Variants in MEGF10 observed in about 807,000 individuals in gnomAD.
MEGF10 encodes the protein multiple EGF like domains 10.
In MEGF10, 86 loss-of-function variants were observed where a neutral mutation model predicts 147.5. The ratio of observed to expected loss-of-function variants is 0.58; its 90% confidence interval spans 0.49 to 0.70. The LOEUF is 0.70. Ranked by LOEUF, MEGF10 falls within the 30% of genes least tolerant of loss-of-function variation. The probability of loss-of-function intolerance (pLI) is 0.00; values close to 1 mark genes in which losing one functional copy is unlikely to be tolerated. For synonymous variants in MEGF10, 478 were observed against 525.5 expected (o/e 0.91, Z 1.24); for missense variants, 1,329 against 1,487.3 (o/e 0.89, Z 1.75).
rs899992131 is a variant in MEGF10 at position 127,393,768 on chromosome 5, T to C, written c.413-2764T>C. ...TTTTCTATGCTGATAGTTATCAGTT[T>C]CTGCTATAAACTCACTTGTATTATG... On this transcript the variant is annotated intron_variant, in intron 5 of 24. Coordinates refer to ENST00000503335, the MANE Select transcript of MEGF10 (RefSeq NM_001256545.2). 2.6e-5 allele frequency among the ~76,000 whole-genome samples: 4 copies of C among 152,326 alleles called. No individual in the cohort carries two copies. The East Asian group carries it at 7.7e-4, about 29-fold the overall frequency.
At chr5:127,440,944 T>G in intron 18 of MEGF10, 77 bp downstream of exon 18, 1 of 1,550,280 alleles carries the variant, frequency 6.5e-7, no homozygotes, top group Non-Finnish European at 8.8e-7. Flanking sequence ...CAGGAAATAT[T>G]AAGGCAGAAT....
chr5:127,273,207 A>C, the MEGF10 span, among the ~76,000 whole-genome samples: 1 of 152,148 alleles, frequency 6.6e-6, no homozygotes, highest in African/African-American at 2.4e-5. Flanking sequence ...GGGATCTCCT[A>C]ATCTGAAGGT....
intron 5 of MEGF10, among the ~76,000 whole-genome samples, chr5:127,379,091 G>T (rs1763153388): frequency 7.2e-6 from 1 of 139,008 alleles, no homozygotes; most frequent in Non-Finnish European, 1.5e-5. Flanking sequence ...TTGATACTTG[G>T]TGCAATATTC....
At chr5:127,272,707 A>G in the MEGF10 span, among the ~76,000 whole-genome samples, 1 of 152,168 alleles carries the variant, frequency 6.6e-6, no homozygotes, top group Non-Finnish European at 1.5e-5. Context: ...ATGGAAGTTC[A>G]TTCATGATTT....
the MEGF10 span, among the ~76,000 whole-genome samples, chr5:127,234,526 G>A: frequency 1.8e-4 from 28 of 152,184 alleles, 1 homozygote; most frequent in African/African-American, 4.1e-4. Context: ...AAATTTTAGC[G>A]AACATAAATA....
chr5:127,234,498 C>G, the MEGF10 span, among the ~76,000 whole-genome samples: 2 of 152,176 alleles, frequency 1.3e-5, no homozygotes, highest in Non-Finnish European at 2.9e-5. Context: ...GTTAATGTGC[C>G]TCCTGGGAGA....
At chr5:127,316,051 G>C (rs1436194566) in intron 1 of MEGF10, among the ~76,000 whole-genome samples, 2 of 152,176 alleles carry the variant, frequency 1.3e-5, no homozygotes, top group African/African-American at 2.4e-5. Context: ...CAGGCCCCAG[G>C]AATTGTGCTT....
In MEGF10 at chr5:127,410,455, C is replaced by T. The variant is rs35550094; in HGVS notation, c.984C>T (p.Asn328=). ...GTGCTGAGACCTGCCAGTGTGTCAACGGAGGGAAGTGTTACCACGTGAGCG... is the reference window on the plus strand; with the variant it reads ...GTGCTGAGACCTGCCAGTGTGTCAATGGAGGGAAGTGTTACCACGTGAGCG... ...VLCAETCQCV[N]GGKCYHVSGA... is the part of the protein sequence containing the mutation. The change falls in exon 9 of 25, where the codon AAC becomes AAT. Residue 328 remains asparagine, a synonymous_variant. Transcript: ENST00000503335. The T allele has an allele frequency of 4.4e-3, 7,142 of 1,614,190 alleles. 92 individuals carry two copies. The African/African-American group carries it at 0.05, about 11-fold the overall frequency.
At chr5:127,285,718 A>G in the MEGF10 span, among the ~76,000 whole-genome samples, 1 of 152,124 alleles carries the variant, frequency 6.6e-6, no homozygotes, top group East Asian at 1.9e-4. Context: ...GTCTCAGCAC[A>G]TTTAAAAGCA....
chr5:127,332,554 G>T (rs1296167635), intron 2 of MEGF10, among the ~76,000 whole-genome samples: 1 of 152,028 alleles, frequency 6.6e-6, no homozygotes, highest in East Asian at 1.9e-4. Flanking sequence ...TACCTCCATT[G>T]GTAGTGTTAC....
the MEGF10 span, among the ~76,000 whole-genome samples, chr5:127,231,628 A>G: frequency 1.3e-5 from 2 of 152,220 alleles, no homozygotes; most frequent in East Asian, 1.9e-4. Context: ...GGATTTCACT[A>G]TGTTGTTCAT....
rs567088569 is a variant in MEGF10, at chr5:127,414,289, C to T, written c.1131-3349C>T. On this transcript the variant is annotated intron_variant, in intron 9 of 24. Coordinates refer to ENST00000503335, the MANE Select transcript of MEGF10 (RefSeq NM_001256545.2). Reference sequence around the variant, plus strand: ...CCTGGGTTCAAGTTTGATTCTGCCTCACTACCTGTGTGAGACTTTGAATAA... The same window carrying T: ...CCTGGGTTCAAGTTTGATTCTGCCTTACTACCTGTGTGAGACTTTGAATAA... Among the ~76,000 whole-genome samples, 11 of 152,198 alleles carry T rather than the reference C, an allele frequency of 7.2e-5. No homozygotes were observed. The East Asian group carries it at 1.9e-3, about 27-fold the overall frequency.
chr5:127,298,380 A>G (rs944808565), intron 1 of MEGF10, among the ~76,000 whole-genome samples: 3 of 152,162 alleles, frequency 2.0e-5, no homozygotes, highest in African/African-American at 7.2e-5. Context: ...AGTATAAAGT[A>G]TTTGTCCTTC....
At chr5:127,284,442 G>T in the MEGF10 span, among the ~76,000 whole-genome samples, 1 of 151,928 alleles carries the variant, frequency 6.6e-6, no homozygotes. Flanking sequence ...TAGCATAATG[G>T]TGAGATTTGA....
chr5:127,392,764 T>C (rs1052247847), intron 5 of MEGF10, among the ~76,000 whole-genome samples: 1 of 152,224 alleles, frequency 6.6e-6, no homozygotes. Context: ...GAAGATCCAG[T>C]TCTCTACTAG....
chr5:127,248,169 T>A, the MEGF10 span, among the ~76,000 whole-genome samples: 1 of 152,020 alleles, frequency 6.6e-6, no homozygotes, highest in Non-Finnish European at 1.5e-5. Context: ...AAAAAAGGGG[T>A]ATAGCCTAGC....
chr5:127,305,899 A>G (rs1759991672), intron 1 of MEGF10, among the ~76,000 whole-genome samples: 4 of 152,194 alleles, frequency 2.6e-5, no homozygotes, highest in Non-Finnish European at 5.9e-5. Flanking sequence ...CTGCATTGCT[A>G]TGAAAGCCAA....
the MEGF10 span, among the ~76,000 whole-genome samples, chr5:127,244,973 A>AG: frequency 2.6e-5 from 4 of 152,228 alleles, no homozygotes; most frequent in African/African-American, 9.6e-5. Context: ...AACAAATGGA[A>AG]AATCATTCCA....
In MEGF10 at chr5:127,433,526, G is replaced by A. The variant is rs1765457917; in HGVS notation, c.1840+17G>A. 4 of 1,577,038 alleles carry A rather than the reference G, an allele frequency of 2.5e-6. No individual in the cohort carries two copies. Among genetic ancestry groups the A allele is most frequent in the Non-Finnish European group, 3.4e-6 (4 of 1,160,710 alleles). ...GTCAGAGGAGTAAGTGTCTCATTAG[G>A]CAGTAATTTCCACCTTCCCTTCCCT... On this transcript the variant is annotated intron_variant, in intron 14 of 24. Coordinates refer to ENST00000503335, the MANE Select transcript of MEGF10 (RefSeq NM_001256545.2).
Sources: gnomAD v4.1 joint callset for allele counts (sites outside exome capture counted in the v4.1 genomes callset) on GRCh38, gnomAD v4.1.1 for gene constraint, MANE v1.5 for transcripts, NCBI Gene and HGNC (gene_info 2026-07-23, HGNC 2026-07-21) for gene names.